The following SIPA1L3 variants were observed in gnomAD, a reference collection of about 807,000 sequenced individuals.
SIPA1L3 encodes signal induced proliferation associated 1 like 3.
A neutral mutation model predicts 150.1 loss-of-function variants in SIPA1L3; 59 were observed. That is an observed-to-expected ratio of 0.39 (90% CI 0.32 to 0.49). SIPA1L3 has a LOEUF of 0.49. Ranked by LOEUF, SIPA1L3 falls within the 20% of genes least tolerant of loss-of-function variation. The pLI is 0.86. For synonymous variants in SIPA1L3, 1,070 were observed against 1,077.6 expected, an observed-to-expected ratio of 0.99 and a Z score of 0.14; for missense variants, 2,211 against 2,489.5, an observed-to-expected ratio of 0.89 and a Z score of 2.38.
At chr19:38,175,056 A>G (rs895282620) in intron 15 of SIPA1L3, among the ~76,000 whole-genome samples, 1 of 152,052 alleles carries the variant, frequency 6.6e-6, no homozygotes, top group Non-Finnish European at 1.5e-5. Flanking sequence ...CAGACTACCT[A>G]TGTCTACATC....
At chr19:37,957,143 G>A (rs1197034142) in intron 1 of SIPA1L3, among the ~76,000 whole-genome samples, 2 of 152,198 alleles carry the variant, frequency 1.3e-5, no homozygotes, top group Non-Finnish European at 2.9e-5. Flanking sequence ...TGGTTTAAAT[G>A]TCTATCCTAC....
chr19:38,123,080 C>T (rs1209421366), intron 9 of SIPA1L3, among the ~76,000 whole-genome samples: 1 of 152,116 alleles, frequency 6.6e-6, no homozygotes, highest in Non-Finnish European at 1.5e-5. Context: ...ATAGTGGCCG[C>T]AATAGTGAGG....
rs551982648 is a variant in SIPA1L3, at chr19:38,030,015, C to T, written c.-311+859C>T. ...GATTACAGGCCCCTGACATCATGCC[C>T]GGCTGATTTTTGTATTTTTGTAGAG... On this transcript the variant is annotated intron_variant, in intron 2 of 21. Transcript: ENST00000222345. 2.4e-4 allele frequency among the ~76,000 whole-genome samples: 37 copies of T among 152,036 alleles called. 1 individual carries two copies. In the South Asian group the frequency reaches 5.0e-3, roughly 21 times the overall value.
intron 4 of SIPA1L3, among the ~76,000 whole-genome samples, chr19:38,099,012 C>CTTTCT (rs1035066918): frequency 4.6e-5 from 7 of 152,076 alleles, no homozygotes; most frequent in African/African-American, 1.4e-4. Context: ...ACCCTCCCTC[C>CTTTCT]TTTCTTTTCT....
chr19:38,144,475 A>C (rs1212741700), intron 12 of SIPA1L3, among the ~76,000 whole-genome samples: 1 of 152,268 alleles, frequency 6.6e-6, no homozygotes, highest in African/African-American at 2.4e-5. Context: ...GGAATCACCC[A>C]GAGGAGGACT....
At chr19:38,076,311 TACACAC>T (rs891966146) in intron 2 of SIPA1L3, among the ~76,000 whole-genome samples, 6 of 152,086 alleles carry the variant, frequency 3.9e-5, no homozygotes, top group African/African-American at 1.4e-4. Context: ...TATCAAAACT[TACACAC>T]ACACAAACAC....
At chr19:38,154,459 A>T (rs947568269) in intron 13 of SIPA1L3, among the ~76,000 whole-genome samples, 7 of 151,926 alleles carry the variant, frequency 4.6e-5, no homozygotes, top group African/African-American at 1.2e-4. Flanking sequence ...TTATTTATTT[A>T]TTTTTTAAAC....
intron 8 of SIPA1L3, among the ~76,000 whole-genome samples, chr19:38,114,453 G>C (rs1970835958): frequency 6.7e-6 from 1 of 149,652 alleles, no homozygotes; most frequent in East Asian, 2.0e-4. Context: ...AAATTGCAAA[G>C]CTCTTCATCT....
Position 38,081,707 on chromosome 19 carries a change from C to T in SIPA1L3, c.142C>T (p.Gln48Ter). The T allele has an allele frequency of 6.2e-7, 1 of 1,610,376 alleles. No individual in the cohort carries two copies. Among genetic ancestry groups the T allele is most frequent in the Non-Finnish European group, 8.5e-7 (1 of 1,179,312 alleles). The change falls in exon 3 of 22, where the codon CAG becomes TAG. Residue 48 changes from glutamine to a stop codon, truncating the protein, a stop_gained. Transcript: ENST00000222345. LOFTEE classifies it high-confidence loss of function. ...CTGGGCCCAGAATGGCAGCATGTCC[C>T]AGCCTCTTGGCGAGAGCCCGGCCAC... is the stretch of plus-strand genomic sequence containing the variant. ...GFWAQNGSMSQPLGESPATAT... is the reference protein window; with the variant it reads ...GFWAQNGSMS
chr19:37,921,244 C>T (rs578160452), intron 1 of SIPA1L3, among the ~76,000 whole-genome samples: 17 of 152,346 alleles, frequency 1.1e-4, no homozygotes, highest in Admixed American at 7.2e-4. Context: ...GGCGTGCGCT[C>T]CCCGCTCCCA....
intron 4 of SIPA1L3, among the ~76,000 whole-genome samples, chr19:38,095,510 A>C (rs921023268): frequency 2.0e-5 from 3 of 152,212 alleles, no homozygotes; most frequent in African/African-American, 7.2e-5. Context: ...CCTTGTTTGC[A>C]TGGTACTGTG....
chr19:38,001,041 T>C (rs1351241116), intron 1 of SIPA1L3, among the ~76,000 whole-genome samples: 2 of 150,432 alleles, frequency 1.3e-5, no homozygotes, highest in East Asian at 3.9e-4. Context: ...ATATCACACA[T>C]ATATCACACA....
In SIPA1L3 at chr19:38,193,728, C is replaced by T. The variant is rs750009424; in HGVS notation, c.4788C>T (p.Pro1596=). 60 of 1,568,342 alleles carry T rather than the reference C, an allele frequency of 3.8e-5. 1 individual carries two copies. Among genetic ancestry groups the T allele is most frequent in the Admixed American group, 2.5e-4 (14 of 55,790 alleles). ...ARRQHQHPHP[P]VGPGATPAAG... ...GCCAGCACCAGCACCCCCACCCGCC[C>T]GTCGGCCCCGGTGCCACCCCTGCCG... is the stretch of plus-strand genomic sequence containing the variant. The change falls in exon 18 of 22, where the codon CCC becomes CCT. Residue 1596 remains proline (P), a synonymous_variant. Coordinates refer to ENST00000222345, the MANE Select transcript of SIPA1L3 (RefSeq NM_015073.3).
intron 1 of SIPA1L3, among the ~76,000 whole-genome samples, chr19:37,971,520 C>T (rs1966936258): frequency 6.6e-6 from 1 of 151,720 alleles, no homozygotes; most frequent in Admixed American, 6.6e-5. Flanking sequence ...ATGCAGTATC[C>T]ATTTCTGTCT....
chr19:38,152,411 T>C (rs75785372), intron 12 of SIPA1L3, among the ~76,000 whole-genome samples: 1 of 152,204 alleles, frequency 6.6e-6, no homozygotes, highest in Non-Finnish European at 1.5e-5. Flanking sequence ...CAGGGCCTGC[T>C]GCACCCATGA....
intron 4 of SIPA1L3, among the ~76,000 whole-genome samples, chr19:38,095,704 A>G (rs1970363615): frequency 1.3e-5 from 2 of 152,136 alleles, no homozygotes; most frequent in African/African-American, 2.4e-5. Flanking sequence ...GGTGGGGGTG[A>G]CCAGGTGGAG....
intron 1 of SIPA1L3, among the ~76,000 whole-genome samples, chr19:37,956,299 T>C (rs1195727399): frequency 6.6e-6 from 1 of 152,226 alleles, no homozygotes; most frequent in Non-Finnish European, 1.5e-5. Flanking sequence ...TATTGGCCAT[T>C]CGTGTATCTT....
intron 15 of SIPA1L3, among the ~76,000 whole-genome samples, chr19:38,168,355 C>T (rs1302165706): frequency 6.6e-6 from 1 of 151,742 alleles, no homozygotes; most frequent in Non-Finnish European, 1.5e-5. Flanking sequence ...CCACTACACT[C>T]CAGCCTGGGG....
At chr19:38,119,930 C>A (rs779545844) in intron 9 of SIPA1L3, 48 bp downstream of exon 9, 39 of 1,361,788 alleles carry the variant, frequency 2.9e-5, no homozygotes, top group Non-Finnish European at 3.9e-5. Context: ...ATGGTTTCGG[C>A]CTCAGGAACC....
Sources: allele counts gnomAD v4.1 joint callset (sites outside exome capture counted in the v4.1 genomes callset), GRCh38; gene constraint gnomAD v4.1.1; transcripts MANE v1.5; gene names NCBI Gene and HGNC (gene_info 2026-07-23, HGNC 2026-07-21).